Variants in PCDH7 observed in about 807,000 individuals in gnomAD.
PCDH7 encodes protocadherin-7.
Under a neutral mutation model 58.9 loss-of-function variants are expected in PCDH7, and 17 were observed. That is an observed-to-expected ratio of 0.29 (90% CI 0.20 to 0.43). PCDH7 has a LOEUF of 0.43. Among genes scored for constraint, PCDH7 ranks in the 20% least tolerant of loss-of-function variants. PCDH7 has a pLI of 1.00. For synonymous variants in PCDH7, 664 were observed against 616.4 expected (o/e 1.08, Z -1.14); for missense variants, 1,274 against 1,441.0 (o/e 0.88, Z 1.88).
At chr4:30,958,610 A>G (rs943269534) in intron 3 of PCDH7, among the ~76,000 whole-genome samples, 3 of 151,998 alleles carry the variant, frequency 2.0e-5, no homozygotes, top group Non-Finnish European at 4.4e-5. Flanking sequence ...AAAACATTTT[A>G]AAGTTTTAAT....
chr4:31,127,609 C>A (rs898118808), intron 3 of PCDH7, among the ~76,000 whole-genome samples: 1 of 151,978 alleles, frequency 6.6e-6, no homozygotes, highest in African/African-American at 2.4e-5. Flanking sequence ...AAATTGAAAT[C>A]TAGGGAATTA....
chr4:31,018,910 C>T (rs1753814510), intron 3 of PCDH7, among the ~76,000 whole-genome samples: 1 of 152,146 alleles, frequency 6.6e-6, no homozygotes, highest in Non-Finnish European at 1.5e-5. Context: ...TTTTTCACCA[C>T]ATAACTAGCA....
intron 1 of PCDH7, among the ~76,000 whole-genome samples, chr4:30,888,168 C>T (rs898031421): frequency 1.3e-5 from 2 of 152,080 alleles, no homozygotes; most frequent in African/African-American, 4.8e-5. Context: ...GCCACTGTGC[C>T]CAGCCGGCCC....
chr4:30,829,134 T>C (rs1729470418), intron 1 of PCDH7, among the ~76,000 whole-genome samples: 1 of 151,952 alleles, frequency 6.6e-6, no homozygotes, highest in Admixed American at 6.6e-5. Flanking sequence ...TTCTTTTGTG[T>C]TTGGTTTTGG....
chr4:30,969,440 G>A (rs1202387741), intron 3 of PCDH7, among the ~76,000 whole-genome samples: 1 of 152,062 alleles, frequency 6.6e-6, no homozygotes, highest in Non-Finnish European at 1.5e-5. Flanking sequence ...CACTGGGAAA[G>A]CAATATAGGA....
rs777607434 is a variant in PCDH7 at position 30,722,262 on chromosome 4, G to C, written c.840G>C (p.Val280=). ...ACTCCTACGAGCTGACCCTGCGAGT[G>C]CGCGACGGCGGCGACCCGCCTCGCT... Residue 280 remains valine (V), a synonymous_variant, in exon 1 of 2, where the codon GTG becomes GTC. Coordinates refer to ENST00000361762, the Ensembl canonical transcript of PCDH7. This position sits in a 1 kb window ranked among gnomAD's most constrained non-coding sequence, Gnocchi z 7.6. The C allele has an allele frequency of 1.1e-5, 17 of 1,595,488 alleles. No homozygotes were observed. The South Asian group carries it at 1.8e-4, about 17-fold the overall frequency.
chr4:31,099,670 C>T (rs1019458481), intron 3 of PCDH7, among the ~76,000 whole-genome samples: 13 of 152,086 alleles, frequency 8.5e-5, no homozygotes, highest in Non-Finnish European at 8.8e-5. Flanking sequence ...ATTTCACATA[C>T]GGTGAAATTG....
intron 1 of PCDH7, among the ~76,000 whole-genome samples, chr4:30,832,035 G>GA (rs1284764668): frequency 1.3e-5 from 2 of 152,068 alleles, no homozygotes; most frequent in Non-Finnish European, 2.9e-5. Context: ...TAACACTTTA[G>GA]AAAAGCACAG....
At chr4:30,923,400 G>A (rs574811729) in intron 2 of PCDH7, among the ~76,000 whole-genome samples, 64 of 152,152 alleles carry the variant, frequency 4.2e-4, no homozygotes, top group African/African-American at 1.5e-3. Context: ...TTACAAAAGC[G>A]TTATCTTCCT....
intron 1 of PCDH7, among the ~76,000 whole-genome samples, chr4:30,777,849 G>A (rs935528929): frequency 2.6e-5 from 4 of 151,986 alleles, no homozygotes; most frequent in Admixed American, 6.6e-5. Flanking sequence ...CACATAAAAC[G>A]ATTGATTCAT....
intron 1 of PCDH7, among the ~76,000 whole-genome samples, chr4:30,839,912 A>G (rs547351007): frequency 1.3e-5 from 2 of 152,248 alleles, no homozygotes; most frequent in South Asian, 4.1e-4. Context: ...TTTTGAATAT[A>G]CATCAGAGAA....
intron 1 of PCDH7, among the ~76,000 whole-genome samples, chr4:30,765,125 C>CT (rs10692198): frequency 0.016 from 810 of 49,192 alleles, 108 homozygotes; most frequent in Middle Eastern, 0.059. Context: ...ACTTCAGATG[C>CT]TTTTTTTTTT....
intron 3 of PCDH7, among the ~76,000 whole-genome samples, chr4:30,985,953 C>T (rs1335410101): frequency 6.6e-6 from 1 of 151,760 alleles, no homozygotes; most frequent in Non-Finnish European, 1.5e-5. Context: ...GATGCACTAC[C>T]ATCCTCTGAC....
intron 3 of PCDH7, among the ~76,000 whole-genome samples, chr4:30,966,734 C>T (rs961789960): frequency 5.9e-5 from 9 of 152,018 alleles, no homozygotes; most frequent in South Asian, 2.1e-4. Flanking sequence ...TGAGACTTGG[C>T]CTTGTTGCAA....
intron 3 of PCDH7, among the ~76,000 whole-genome samples, chr4:30,955,530 T>C (rs1229849354): frequency 2.6e-5 from 4 of 151,844 alleles, no homozygotes; most frequent in East Asian, 1.9e-4. Context: ...TATTTCATTT[T>C]ATTTTATTTC....
chr4:30,737,066 G>T (rs191523357), downstream of PCDH7, among the ~76,000 whole-genome samples: 506 of 152,196 alleles, frequency 3.3e-3, 4 homozygotes, highest in African/African-American at 0.011. Flanking sequence ...GAAAACTAAA[G>T]CTGGATGAGG....
At chr4:31,007,591 T>G (rs549121735) in intron 3 of PCDH7, among the ~76,000 whole-genome samples, 62 of 151,976 alleles carry the variant, frequency 4.1e-4, no homozygotes, top group Non-Finnish European at 7.1e-4. Flanking sequence ...TTATGGTTTT[T>G]TTTTTTTTTA....
chr4:31,022,462 C>A (rs911253624), intron 3 of PCDH7, among the ~76,000 whole-genome samples: 1 of 152,092 alleles, frequency 6.6e-6, no homozygotes, highest in African/African-American at 2.4e-5. Flanking sequence ...TTTTCTGAAG[C>A]TTGGTGGGAA....
At chr4:31,002,387 C>G (rs79406685) in intron 3 of PCDH7, among the ~76,000 whole-genome samples, 3,239 of 152,304 alleles carry the variant, frequency 0.021, 105 homozygotes, top group Admixed American at 0.089. Flanking sequence ...AGCAGTTTCA[C>G]TGCACCATTC....
Sources: gnomAD v4.1 joint callset for allele counts (sites outside exome capture counted in the v4.1 genomes callset) on GRCh38, gnomAD v4.1.1 for gene constraint, Gnocchi (gnomAD v3.1) non-coding constraint, MANE v1.5 for transcripts, NCBI Gene and HGNC (gene_info 2026-07-23, HGNC 2026-07-21) for gene names.